The following GRB10 variants were observed in gnomAD, a reference collection of about 807,000 sequenced individuals.
GRB10 encodes growth factor receptor bound protein 10.
In GRB10, 20 loss-of-function variants were observed where a neutral mutation model predicts 80.9. The ratio of observed to expected loss-of-function variants is 0.25; its 90% CI spans 0.17 to 0.36. The LOEUF (loss-of-function observed/expected upper bound fraction) is 0.36. Ranked by LOEUF, GRB10 falls within the 10% of genes least tolerant of loss-of-function variation. The pLI, the probability that GRB10 is intolerant of heterozygous loss-of-function variation, is 1.00. For synonymous variants in GRB10, 291 were observed against 291.5 expected (o/e 1.00, Z 0.02); for missense variants, 548 against 747.7 (o/e 0.73, Z 3.12).
intron 3 of GRB10, among the ~76,000 whole-genome samples, chr7:50,739,007 T>C (rs569674577): frequency 2.0e-5 from 3 of 152,244 alleles, no homozygotes; most frequent in East Asian, 1.9e-4. Context: ...ATTTAAATAA[T>C]CTTCATGATA....
intron 17 of GRB10, among the ~76,000 whole-genome samples, chr7:50,603,762 G>T (rs879088906): frequency 1.3e-5 from 2 of 152,214 alleles, no homozygotes; most frequent in South Asian, 4.1e-4. Flanking sequence ...TCATACAGAG[G>T]TGAAGGATAA....
chr7:50,678,644 A>C (rs1399636158), intron 5 of GRB10, among the ~76,000 whole-genome samples: 2 of 152,244 alleles, frequency 1.3e-5, no homozygotes, highest in Non-Finnish European at 2.9e-5. Flanking sequence ...ATTCAAAAGA[A>C]GACAATTTTT....
chr7:50,613,190 C>T (rs541979650), intron 12 of GRB10, among the ~76,000 whole-genome samples: 8 of 152,278 alleles, frequency 5.3e-5, no homozygotes, highest in East Asian at 3.9e-4. Flanking sequence ...ACTCTGTCGA[C>T]GGACTGGATT....
At chr7:50,626,677 C>T (rs542590450) in intron 8 of GRB10, 145 bp downstream of exon 8, 192 of 873,822 alleles carry the variant, frequency 2.2e-4, no homozygotes, top group Non-Finnish European at 3.1e-4. Flanking sequence ...TTAGGAGAAA[C>T]AGGAGAGTCG....
At chr7:50,633,553 A>G (rs1236623009) in intron 7 of GRB10, among the ~76,000 whole-genome samples, 3 of 152,218 alleles carry the variant, frequency 2.0e-5, no homozygotes, top group African/African-American at 7.2e-5. Flanking sequence ...ATGGCTCCTA[A>G]CCACAATGAA....
intron 12 of GRB10, among the ~76,000 whole-genome samples, chr7:50,613,310 C>T (rs982083557): frequency 3.3e-5 from 5 of 152,164 alleles, no homozygotes; most frequent in South Asian, 2.1e-4. Context: ...GGGGCAACCC[C>T]TGAGGAGCTC....
chr7:50,606,651 G>C (rs2048585925), intron 13 of GRB10: 15 of 552,872 alleles, frequency 2.7e-5, no homozygotes, highest in South Asian at 2.4e-4. Flanking sequence ...TTACCTACTA[G>C]TGGCCTACTG....
intron 17 of GRB10, among the ~76,000 whole-genome samples, chr7:50,601,733 A>G (rs990439016): frequency 1.3e-5 from 2 of 152,224 alleles, no homozygotes; most frequent in Non-Finnish European, 2.9e-5. Flanking sequence ...TGAATTAGCA[A>G]TATCAACGTG....
intron 3 of GRB10, among the ~76,000 whole-genome samples, chr7:50,750,033 C>T (rs2073832439): frequency 6.6e-6 from 1 of 152,198 alleles, no homozygotes; most frequent in Non-Finnish European, 1.5e-5. Context: ...GGTGAGATTG[C>T]TGCCAGGCTG....
At chr7:50,641,424 A>G (rs1219384312) in intron 7 of GRB10, among the ~76,000 whole-genome samples, 1 of 152,184 alleles carries the variant, frequency 6.6e-6, no homozygotes, top group Non-Finnish European at 1.5e-5. Flanking sequence ...TGCTTAGGGC[A>G]TGCAAGTTTC....
chr7:50,666,865 C>G (rs183730448), intron 7 of GRB10, among the ~76,000 whole-genome samples: 1 of 151,958 alleles, frequency 6.6e-6, no homozygotes, highest in East Asian at 1.9e-4. Flanking sequence ...ACGGTGAAAC[C>G]CCGTCTCTAC....
At chr7:50,601,318 T>C (rs1042506151) in intron 17 of GRB10, among the ~76,000 whole-genome samples, 4 of 152,236 alleles carry the variant, frequency 2.6e-5, no homozygotes, top group African/African-American at 4.8e-5. Flanking sequence ...TTTGGAACCA[T>C]GAAAATGTTT....
intron 2 of GRB10, among the ~76,000 whole-genome samples, chr7:50,772,219 T>C (rs1000750585): frequency 1.3e-5 from 2 of 152,182 alleles, no homozygotes; most frequent in Non-Finnish European, 2.9e-5. Flanking sequence ...GCATTTGCTG[T>C]AACCCTCAAG....
chr7:50,762,507 A>G (rs948411324), intron 2 of GRB10, among the ~76,000 whole-genome samples: 8 of 152,120 alleles, frequency 5.3e-5, no homozygotes, highest in Non-Finnish European at 8.8e-5. Context: ...TGATTTACAG[A>G]TACAGGAACA....
intron 3 of GRB10, among the ~76,000 whole-genome samples, chr7:50,738,438 T>C (rs569883852): frequency 1.3e-5 from 2 of 152,354 alleles, no homozygotes; most frequent in African/African-American, 2.4e-5. Flanking sequence ...ATGTGGTATA[T>C]ACATACATGG....
At chr7:50,699,012 C>T (rs2063806753) in intron 5 of GRB10, among the ~76,000 whole-genome samples, 1 of 152,152 alleles carries the variant, frequency 6.6e-6, no homozygotes, top group Non-Finnish European at 1.5e-5. Flanking sequence ...TGAATATACT[C>T]CTAGATAGCT....
chr7:50,606,613 C>T (rs567376822), intron 13 of GRB10, 199 bp from the exon 14 acceptor site: 17 of 599,454 alleles, frequency 2.8e-5, no homozygotes, highest in Middle Eastern at 4.4e-4. Context: ...ATAAAAAATC[C>T]GAGTATAGCT....
chr7:50,596,335 T>C (rs1262390274), intron 17 of GRB10, among the ~76,000 whole-genome samples: 1 of 152,208 alleles, frequency 6.6e-6, no homozygotes, highest in Non-Finnish European at 1.5e-5. Flanking sequence ...CTTGAGGGCT[T>C]CCGGAGACGA....
chr7:50,660,473 A>G (rs2059143836), intron 7 of GRB10, among the ~76,000 whole-genome samples: 1 of 152,180 alleles, frequency 6.6e-6, no homozygotes, highest in East Asian at 1.9e-4. Context: ...ACACAGAGAC[A>G]TCAGCAGGGC....
Sources: gnomAD v4.1 joint callset for allele counts (sites outside exome capture counted in the v4.1 genomes callset) on GRCh38, gnomAD v4.1.1 for gene constraint, MANE v1.5 for transcripts, NCBI Gene and HGNC (gene_info 2026-07-23, HGNC 2026-07-21) for gene names.